FHIT: variants seen among roughly 807,000 people sequenced by gnomAD.
FHIT encodes fragile histidine triad diadenosine triphosphatase, also known as bis(5'-adenosyl)-triphosphatase.
In FHIT, 19 loss-of-function variants were observed where a neutral mutation model predicts 17.9. The observed-to-expected ratio is 1.06, with a 90% CI of 0.74 to 1.56. The LOEUF (loss-of-function observed/expected upper bound fraction) is 1.56. Ranked by LOEUF, FHIT falls within the 40% of genes most tolerant of loss-of-function variation. The pLI, the probability that FHIT is intolerant of heterozygous loss-of-function variation, is 0.00. For missense variants in FHIT, 248 were observed against 189.2 expected (o/e 1.31, Z -1.82); for synonymous variants, 81 against 69.7 (o/e 1.16, Z -0.81).
chr3:59,866,423 G>T (rs1207289422), intron 8 of FHIT, among the ~76,000 whole-genome samples: 1 of 152,320 alleles, frequency 6.6e-6, no homozygotes, highest in East Asian at 1.9e-4. Context: ...CTCAAACAAG[G>T]AGTTTGGGTG....
chr3:61,005,290 C>T (rs1037299781), intron 3 of FHIT, among the ~76,000 whole-genome samples: 2 of 151,968 alleles, frequency 1.3e-5, no homozygotes, highest in Non-Finnish European at 2.9e-5. Flanking sequence ...ATTTTTATCA[C>T]GTTGAGGGGA....
rs373437267 is a variant in FHIT, at chr3:60,634,336, G to A, written c.-17-97357C>T. 2.8e-4 allele frequency among the ~76,000 whole-genome samples: 43 copies of A among 152,124 alleles called. No individual in the cohort carries two copies. In the East Asian group the frequency reaches 7.6e-3, roughly 27 times the overall value. The stretch of plus-strand genomic sequence containing the variant: ...AAGCTAACAAACTGAACTAGGAGAC[G>A]AAGAAAGAAAATTCACCGCTACATA... On this transcript the variant is annotated intron_variant, in intron 4 of 9. Coordinates refer to ENST00000492590, the MANE Select transcript of FHIT (RefSeq NM_002012.4).
At chr3:60,195,548 T>TTG (rs1304531496) in intron 5 of FHIT, among the ~76,000 whole-genome samples, 2 of 100,148 alleles carry the variant, frequency 2.0e-5, no homozygotes, top group Admixed American at 1.3e-4. Flanking sequence ...GAAAATGTGA[T>TTG]ATATATATAT....
chr3:60,794,598 T>C (rs529782094), intron 4 of FHIT, among the ~76,000 whole-genome samples: 2 of 152,338 alleles, frequency 1.3e-5, no homozygotes, highest in South Asian at 4.1e-4. Context: ...TAGTGCAGGA[T>C]AGTAGTTAAG....
chr3:59,892,399 T>G (rs1232148104), intron 8 of FHIT, among the ~76,000 whole-genome samples: 1 of 152,170 alleles, frequency 6.6e-6, no homozygotes, highest in Non-Finnish European at 1.5e-5. Flanking sequence ...AACAAAGCAT[T>G]TGGTGATTAG....
chr3:60,921,040 A>G (rs1707255243), intron 3 of FHIT, among the ~76,000 whole-genome samples: 1 of 152,226 alleles, frequency 6.6e-6, no homozygotes. Flanking sequence ...GATATTTATT[A>G]AGCACCTAAT....
At chr3:60,570,428 A>G (rs189475448) in intron 4 of FHIT, among the ~76,000 whole-genome samples, 5 of 152,262 alleles carry the variant, frequency 3.3e-5, no homozygotes, top group Admixed American at 3.3e-4. Context: ...TAAGTTGGGA[A>G]TAAGAGTGTT....
chr3:59,912,764 TG>T (rs1417255066), intron 8 of FHIT, among the ~76,000 whole-genome samples: 8 of 152,332 alleles, frequency 5.3e-5, no homozygotes, highest in Admixed American at 5.2e-4. Flanking sequence ...TTACCACTAA[TG>T]TAAGAAGGAT....
chr3:60,104,708 T>C (rs1168113917), intron 5 of FHIT, among the ~76,000 whole-genome samples: 1 of 152,140 alleles, frequency 6.6e-6, no homozygotes, highest in African/African-American at 2.4e-5. Context: ...GAAAGTTTTT[T>C]AGACTTCTCT....
intron 5 of FHIT, among the ~76,000 whole-genome samples, chr3:60,036,973 C>G (rs1025791547): frequency 1.3e-5 from 2 of 152,240 alleles, no homozygotes; most frequent in Non-Finnish European, 2.9e-5. Context: ...GAAATTGCCT[C>G]TAGTGAAAGG....
chr3:61,076,084 C>T (rs1246677121), intron 2 of FHIT, among the ~76,000 whole-genome samples: 1 of 152,072 alleles, frequency 6.6e-6, no homozygotes, highest in East Asian at 1.9e-4. Context: ...AAATGATTAC[C>T]TAAGGTTATA....
Position 60,897,044 on chromosome 3 carries a change from C to G in FHIT, c.-110-75033G>C, listed in dbSNP as rs115932039. Among the ~76,000 whole-genome samples the G allele has an allele frequency of 4.7e-3, 708 of 152,230 alleles. 4 individuals carry two copies. Among genetic ancestry groups the G allele is most frequent in the Non-Finnish European group, 5.9e-3 (399 of 67,998 alleles). ...TTTCCCCTTCTTTCTACCTGAAATGCAGCATGCTATATATAGTCTTCCACA... is the reference window on the plus strand; with the variant it reads ...TTTCCCCTTCTTTCTACCTGAAATGGAGCATGCTATATATAGTCTTCCACA... On this transcript the variant is annotated intron_variant, in intron 3 of 9. Coordinates refer to ENST00000492590, the MANE Select transcript of FHIT (RefSeq NM_002012.4).
At chr3:60,946,072 AAGAAG>A (rs1473605178) in intron 3 of FHIT, among the ~76,000 whole-genome samples, 2 of 152,280 alleles carry the variant, frequency 1.3e-5, no homozygotes, top group East Asian at 3.9e-4. Flanking sequence ...TGTGCATGTA[AAGAAG>A]AGAAGAACCA....
At chr3:59,891,827 T>G (rs1165065430) in intron 8 of FHIT, among the ~76,000 whole-genome samples, 18 of 152,220 alleles carry the variant, frequency 1.2e-4, no homozygotes, top group Non-Finnish European at 2.6e-4. Context: ...AAAGGATCCT[T>G]GCAGGGAAGA....
intron 3 of FHIT, among the ~76,000 whole-genome samples, chr3:60,838,229 T>C (rs1240708547): frequency 1.3e-5 from 2 of 152,188 alleles, no homozygotes; most frequent in African/African-American, 4.8e-5. Context: ...TCCCAGCACT[T>C]TGGGAAGCCG....
In FHIT at chr3:60,140,098, G is replaced by A. The variant is rs1455518041; in HGVS notation, c.104-125946C>T. 2.6e-5 allele frequency among the ~76,000 whole-genome samples: 4 copies of A among 151,762 alleles called. No homozygotes were observed. In the East Asian group the frequency reaches 5.8e-4, roughly 22 times the overall value. ...ATCGTACCACTGCACAACAGCCTGG[G>A]CAACATAGTGAGATTCCATCTCGAA... On this transcript the variant is annotated intron_variant, in intron 5 of 9. Transcript: ENST00000492590.
At chr3:60,024,516 T>C (rs1040914835) in intron 5 of FHIT, among the ~76,000 whole-genome samples, 1 of 152,194 alleles carries the variant, frequency 6.6e-6, no homozygotes, top group Non-Finnish European at 1.5e-5. Flanking sequence ...AGTAAATATT[T>C]GTGAATTAAG....
intron 5 of FHIT, among the ~76,000 whole-genome samples, chr3:60,525,154 C>G (rs968218610): frequency 5.9e-5 from 9 of 152,158 alleles, no homozygotes; most frequent in Admixed American, 2.0e-4. Flanking sequence ...ATCACTCCGG[C>G]TGCTGCCATG....
At chr3:60,610,470 G>A (rs541308723) in intron 4 of FHIT, among the ~76,000 whole-genome samples, 1 of 152,240 alleles carries the variant, frequency 6.6e-6, no homozygotes, top group South Asian at 2.1e-4. Flanking sequence ...AGAGAATGAA[G>A]CATACCAGCA....
Sources: gnomAD v4.1 joint callset for allele counts (sites outside exome capture counted in the v4.1 genomes callset) on GRCh38, gnomAD v4.1.1 for gene constraint, MANE v1.5 for transcripts, NCBI Gene and HGNC (gene_info 2026-07-23, HGNC 2026-07-21) for gene names.